GRIK3: variants seen among roughly 807,000 people sequenced by gnomAD.
The protein encoded by GRIK3 is glutamate receptor ionotropic, kainate 3.
In GRIK3, 29 loss-of-function variants were observed where a neutral mutation model predicts 102.5. The ratio of observed to expected loss-of-function variants is 0.28; its 90% CI spans 0.21 to 0.39. GRIK3 has a LOEUF of 0.39. Ranked by LOEUF, GRIK3 falls within the 10% of genes least tolerant of loss-of-function variation. GRIK3 has a pLI of 1.00. For missense variants in GRIK3, 908 were observed against 1,252.4 expected (o/e 0.73, Z 4.15); for synonymous variants, 511 against 504.9 (o/e 1.01, Z -0.16).
intron 13 of GRIK3, among the ~76,000 whole-genome samples, chr1:36,808,768 G>C (rs575064988): frequency 6.6e-6 from 1 of 152,204 alleles, no homozygotes; most frequent in African/African-American, 2.4e-5. Context: ...TTTAAAACAT[G>C]AAGTTTCGGG....
intron 10 of GRIK3, among the ~76,000 whole-genome samples, chr1:36,830,526 G>A (rs376788345): frequency 4.5e-4 from 68 of 152,126 alleles, no homozygotes; most frequent in Admixed American, 1.4e-3. Context: ...AGGAAAAGAG[G>A]AGACCGGGCG....
intron 13 of GRIK3, among the ~76,000 whole-genome samples, chr1:36,808,505 A>T (rs1336510540): frequency 6.6e-6 from 1 of 152,134 alleles, no homozygotes; most frequent in East Asian, 1.9e-4. Flanking sequence ...TGCCCTATGG[A>T]GAGGTTCCCA....
At chr1:36,888,832 C>T (rs1480715960) in intron 2 of GRIK3, among the ~76,000 whole-genome samples, 2 of 152,170 alleles carry the variant, frequency 1.3e-5, no homozygotes, top group East Asian at 3.9e-4. Flanking sequence ...TACCACAACA[C>T]TTCTGTAGCT....
intron 8 of GRIK3, among the ~76,000 whole-genome samples, chr1:36,852,479 T>C (rs1640597099): frequency 6.6e-6 from 1 of 152,122 alleles, no homozygotes; most frequent in African/African-American, 2.4e-5. Flanking sequence ...GAAGGGCCAG[T>C]TGGTGCATTT....
intron 13 of GRIK3, among the ~76,000 whole-genome samples, chr1:36,812,522 G>T (rs530068181): frequency 1.1e-4 from 17 of 152,068 alleles, no homozygotes; most frequent in Non-Finnish European, 2.1e-4. Flanking sequence ...TGCTTTCAAA[G>T]GCCTCTTTTT....
chr1:36,842,918 C>G (rs1640476918), intron 9 of GRIK3, among the ~76,000 whole-genome samples: 1 of 152,164 alleles, frequency 6.6e-6, no homozygotes, highest in Non-Finnish European at 1.5e-5. Flanking sequence ...GTGCTCCTCC[C>G]TCAGGGGCAG....
intron 1 of GRIK3, among the ~76,000 whole-genome samples, chr1:36,974,565 G>A (rs1642175145): frequency 6.6e-6 from 1 of 152,078 alleles, no homozygotes; most frequent in African/African-American, 2.4e-5. Context: ...TTGGGAGGCT[G>A]AGGCGGGTGG....
chr1:37,023,767 A>G (rs1484232800), intron 1 of GRIK3, among the ~76,000 whole-genome samples: 2 of 152,206 alleles, frequency 1.3e-5, no homozygotes, highest in Admixed American at 6.5e-5. Flanking sequence ...CCCCAACCAT[A>G]CTATAGGCTA....
intron 1 of GRIK3, among the ~76,000 whole-genome samples, chr1:36,922,121 A>G (rs2124305176): frequency 6.6e-6 from 1 of 152,320 alleles, no homozygotes; most frequent in Non-Finnish European, 1.5e-5. Context: ...TGCCACTAAG[A>G]GGGTGCACAG....
chr1:36,924,032 A>G (rs1401948575), intron 1 of GRIK3, among the ~76,000 whole-genome samples: 1 of 152,088 alleles, frequency 6.6e-6, no homozygotes, highest in Non-Finnish European at 1.5e-5. Flanking sequence ...CTGCATAGAA[A>G]GTGAAGTCCT....
intron 4 of GRIK3, among the ~76,000 whole-genome samples, chr1:36,870,398 T>C (rs1640830356): frequency 6.6e-6 from 1 of 152,250 alleles, no homozygotes; most frequent in Admixed American, 6.5e-5. Flanking sequence ...GTCTGCACTA[T>C]CTATAGTTTA....
At chr1:36,941,912 G>T (rs1009992732) in intron 1 of GRIK3, among the ~76,000 whole-genome samples, 1 of 152,194 alleles carries the variant, frequency 6.6e-6, no homozygotes, top group Non-Finnish European at 1.5e-5. Context: ...AGACTAGGTA[G>T]CCTATCCCCC....
chr1:36,964,007 G>C (rs1287572259), intron 1 of GRIK3, among the ~76,000 whole-genome samples: 1 of 152,256 alleles, frequency 6.6e-6, no homozygotes, highest in Admixed American at 6.5e-5. Flanking sequence ...CAAAGGCCTG[G>C]GAGGCCAGCT....
intron 8 of GRIK3, among the ~76,000 whole-genome samples, chr1:36,852,946 A>G (rs1008481750): frequency 2.0e-5 from 3 of 152,192 alleles, no homozygotes; most frequent in East Asian, 1.9e-4. Flanking sequence ...GTTCCCAGGG[A>G]CTGGGATTGG....
chr1:36,953,634 C>A (rs1641870484), intron 1 of GRIK3, among the ~76,000 whole-genome samples: 1 of 151,890 alleles, frequency 6.6e-6, no homozygotes. Context: ...GGGCCATGGA[C>A]CAGGCAGGGG....
At chr1:37,012,096 G>A (rs764939889) in intron 1 of GRIK3, among the ~76,000 whole-genome samples, 4 of 152,180 alleles carry the variant, frequency 2.6e-5, no homozygotes, top group Non-Finnish European at 5.9e-5. Context: ...AAATGGGACA[G>A]GAAATGGCAC....
At chr1:37,018,655 A>C (rs1391688421) in intron 1 of GRIK3, among the ~76,000 whole-genome samples, 2 of 152,182 alleles carry the variant, frequency 1.3e-5, no homozygotes, top group Non-Finnish European at 2.9e-5. Context: ...CAGATCCAGG[A>C]TCAGGGAGCA....
At chr1:36,911,104 G>C (rs1203980004) in intron 1 of GRIK3, among the ~76,000 whole-genome samples, 1 of 152,058 alleles carries the variant, frequency 6.6e-6, no homozygotes. Flanking sequence ...AGGAGGACCT[G>C]TACAGACCCA....
At chr1:36,902,795 T>TA (rs1366955151) in intron 1 of GRIK3, among the ~76,000 whole-genome samples, 2 of 150,992 alleles carry the variant, frequency 1.3e-5, no homozygotes, top group African/African-American at 4.9e-5. Flanking sequence ...TATGATGGAC[T>TA]ACTTTTTTTT....
Sources: allele counts gnomAD v4.1 joint callset (sites outside exome capture counted in the v4.1 genomes callset), GRCh38; gene constraint gnomAD v4.1.1; transcripts MANE v1.5; gene names NCBI Gene and HGNC (gene_info 2026-07-23, HGNC 2026-07-21).